The following DPP10 variants were observed in gnomAD, a reference collection of about 807,000 sequenced individuals.
DPP10 encodes inactive dipeptidyl peptidase 10.
In DPP10, 33 loss-of-function variants were observed where a neutral mutation model predicts 120.9. That is an observed-to-expected ratio of 0.27 (90% CI 0.21 to 0.37). The LOEUF is 0.37. DPP10 is among the 10% of genes least tolerant of loss of function. The pLI is 1.00. For missense variants in DPP10, 816 were observed against 942.8 expected, an observed-to-expected ratio of 0.87 and a Z score of 1.76; for synonymous variants, 337 against 326.1, an observed-to-expected ratio of 1.03 and a Z score of -0.36.
intron 1 of DPP10, among the ~76,000 whole-genome samples, chr2:114,651,177 T>A (rs1696555478): frequency 6.6e-6 from 1 of 152,174 alleles, no homozygotes; most frequent in African/African-American, 2.4e-5. Context: ...GTAATAGGTT[T>A]TATTCCTACG....
chr2:115,334,579 T>C (rs2063005860), intron 2 of DPP10, among the ~76,000 whole-genome samples: 1 of 151,982 alleles, frequency 6.6e-6, no homozygotes, highest in Admixed American at 6.6e-5. Context: ...TTTTACATTT[T>C]ACTATATTTT....
chr2:115,334,230 GTT>G lies in DPP10; in HGVS notation c.176-9572_176-9571del. On this transcript the variant is annotated intron_variant, in intron 2 of 25. Coordinates refer to ENST00000410059, the MANE Select transcript of DPP10 (RefSeq NM_020868.6). ...TCAGGAATGGACCAGAGCAGACTCT[GTT>G]TTTTTTTTTTTTTTAAGAAACCTAG... Among the ~76,000 whole-genome samples, 32 of 56,404 alleles carry G rather than the reference GTT, an allele frequency of 5.7e-4. 4 individuals are homozygous for G. The highest frequency in any genetic ancestry group is 1.2e-3 in the African/African-American group (24 of 20,430). The allele number at this position is 56,404 out of a possible 152,430, so 37.0% of individuals were successfully genotyped here.
chr2:115,140,851 T>C (rs970683621), intron 1 of DPP10, among the ~76,000 whole-genome samples: 2 of 151,978 alleles, frequency 1.3e-5, no homozygotes, highest in African/African-American at 4.8e-5. Flanking sequence ...CTGAAGTCCA[T>C]TTGGGGGCCA....
chr2:114,717,335 G>T lies in DPP10; in HGVS notation c.60+274497G>T, dbSNP rs188728444. 2.1e-3 allele frequency among the ~76,000 whole-genome samples: 322 copies of T among 152,288 alleles called. 2 individuals are homozygous for T. The highest frequency in any genetic ancestry group is 7.5e-3 in the African/African-American group (310 of 41,560). Reference sequence around the variant, plus strand: ...ATGTGTCACAAAAGACTCTCACTTAGACACAGAGCATCTACTTGTCAAAAG... The same window carrying T: ...ATGTGTCACAAAAGACTCTCACTTATACACAGAGCATCTACTTGTCAAAAG... On this transcript the variant is annotated intron_variant, in intron 1 of 25. Coordinates refer to ENST00000410059, the MANE Select transcript of DPP10 (RefSeq NM_020868.6).
chr2:115,442,128 A>T (rs1185986978), intron 3 of DPP10, among the ~76,000 whole-genome samples: 12 of 151,136 alleles, frequency 7.9e-5, no homozygotes, highest in African/African-American at 1.5e-4. Flanking sequence ...TTTTTTTTTT[A>T]AATTTGTTGC....
At chr2:114,547,512 C>T (rs1347458651) in intron 1 of DPP10, among the ~76,000 whole-genome samples, 2 of 151,888 alleles carry the variant, frequency 1.3e-5, no homozygotes, top group African/African-American at 4.8e-5. Flanking sequence ...CTGGGCATCA[C>T]AAATTTTGTA....
intron 5 of DPP10, among the ~76,000 whole-genome samples, chr2:115,599,859 T>C (rs2083214471): frequency 6.6e-6 from 1 of 152,266 alleles, no homozygotes; most frequent in African/African-American, 2.4e-5. Flanking sequence ...ATCTCACTTT[T>C]TTTTGTAATT....
At chr2:115,123,355 G>T (rs1253283105) in intron 1 of DPP10, among the ~76,000 whole-genome samples, 2 of 152,184 alleles carry the variant, frequency 1.3e-5, no homozygotes, top group African/African-American at 4.8e-5. Flanking sequence ...TGGGATTTGT[G>T]TTTCTTCTCC....
intron 1 of DPP10, among the ~76,000 whole-genome samples, chr2:115,235,442 A>G (rs1448517311): frequency 6.6e-6 from 1 of 152,226 alleles, no homozygotes; most frequent in Non-Finnish European, 1.5e-5. Flanking sequence ...ATTTACAACA[A>G]TATAATTCTG....
chr2:115,319,939 G>A (rs1316018590), intron 2 of DPP10, among the ~76,000 whole-genome samples: 2 of 152,218 alleles, frequency 1.3e-5, no homozygotes, highest in African/African-American at 4.8e-5. Context: ...CATTCGTAAT[G>A]GTAGGGCCCT....
chr2:115,784,590 A>G (rs1451070403), intron 17 of DPP10, among the ~76,000 whole-genome samples: 1 of 152,086 alleles, frequency 6.6e-6, no homozygotes, highest in Non-Finnish European at 1.5e-5. Context: ...CTGGAATGCA[A>G]TGGTGTGATC....
At chr2:114,478,220 T>C (rs1680690853) in intron 1 of DPP10, among the ~76,000 whole-genome samples, 1 of 152,064 alleles carries the variant, frequency 6.6e-6, no homozygotes, top group Non-Finnish European at 1.5e-5. Flanking sequence ...AATTATACAG[T>C]GTGATCAAGT....
intron 1 of DPP10, among the ~76,000 whole-genome samples, chr2:114,654,725 G>C (rs1696847554): frequency 6.6e-6 from 1 of 152,076 alleles, no homozygotes; most frequent in Non-Finnish European, 1.5e-5. Flanking sequence ...CTGGGCTATG[G>C]GTGTTCCTTC....
At chr2:115,105,422 T>TGAGAGAGAGAGAGAGAGA (rs10565038) in intron 1 of DPP10, among the ~76,000 whole-genome samples, 1 of 146,130 alleles carries the variant, frequency 6.8e-6, no homozygotes, top group African/African-American at 2.5e-5. Context: ...TGTCACATGG[T>TGAGAGAGAGAGAGAGAGA]GAGAGAGAGA....
intron 1 of DPP10, among the ~76,000 whole-genome samples, chr2:114,972,880 T>C (rs1206450359): frequency 6.6e-6 from 1 of 152,188 alleles, no homozygotes; most frequent in Non-Finnish European, 1.5e-5. Context: ...TGCAGTTCTT[T>C]TGGAAGGACG....
At chr2:114,450,887 C>G (rs553823539) in intron 1 of DPP10, among the ~76,000 whole-genome samples, 1 of 152,162 alleles carries the variant, frequency 6.6e-6, no homozygotes, top group South Asian at 2.1e-4. Context: ...TTCAGGGGGA[C>G]TGTTTGTTCT....
intron 1 of DPP10, among the ~76,000 whole-genome samples, chr2:114,544,140 T>A (rs910139309): frequency 2.0e-5 from 3 of 152,068 alleles, no homozygotes; most frequent in African/African-American, 7.2e-5. Context: ...GGTTAAGTGC[T>A]TTGGGGAAAA....
At chr2:115,032,231 G>A in intron 1 of DPP10, among the ~76,000 whole-genome samples, 1 of 150,830 alleles carries the variant, frequency 6.6e-6, no homozygotes. Flanking sequence ...ATATACAGCA[G>A]AGCAAAAAGC....
chr2:115,492,440 T>A (rs2076175353), intron 3 of DPP10, among the ~76,000 whole-genome samples: 1 of 152,020 alleles, frequency 6.6e-6, no homozygotes, highest in African/African-American at 2.4e-5. Context: ...TTAGGATAGG[T>A]GAATTGAGGG....
Sources: allele counts gnomAD v4.1 joint callset (sites outside exome capture counted in the v4.1 genomes callset), GRCh38; gene constraint gnomAD v4.1.1; transcripts MANE v1.5; gene names NCBI Gene and HGNC (gene_info 2026-07-23, HGNC 2026-07-21).